The following DYNC1I1 variants were observed in gnomAD, a reference collection of about 807,000 sequenced individuals.
DYNC1I1 encodes cytoplasmic dynein 1 intermediate chain 1.
A neutral mutation model predicts 86.6 loss-of-function variants in DYNC1I1; 43 were observed. The ratio of observed to expected loss-of-function variants is 0.50; its 90% confidence interval spans 0.39 to 0.64. DYNC1I1 has a LOEUF of 0.64. Ranked by LOEUF, DYNC1I1 falls within the 30% of genes least tolerant of loss-of-function variation. The pLI, the probability that DYNC1I1 is intolerant of heterozygous loss-of-function variation, is 0.00. For synonymous variants in DYNC1I1, 262 were observed against 283.7 expected, an observed-to-expected ratio of 0.92 and a Z score of 0.77; for missense variants, 604 against 788.8, an observed-to-expected ratio of 0.77 and a Z score of 2.81.
At chr7:96,022,982 A>G (rs1794590546) in intron 10 of DYNC1I1, among the ~76,000 whole-genome samples, 1 of 152,072 alleles carries the variant, frequency 6.6e-6, no homozygotes, top group Admixed American at 6.6e-5. Flanking sequence ...CACACCTTCC[A>G]TGTTGCCAAA....
chr7:95,951,531 G>C (rs1430961930), intron 6 of DYNC1I1, among the ~76,000 whole-genome samples: 2 of 152,066 alleles, frequency 1.3e-5, no homozygotes, highest in Non-Finnish European at 2.9e-5. Context: ...ATTACCTATA[G>C]TTTTCTGTTA....
chr7:95,996,818 A>G (rs1793878883), intron 10 of DYNC1I1, among the ~76,000 whole-genome samples: 1 of 152,184 alleles, frequency 6.6e-6, no homozygotes, highest in South Asian at 2.1e-4. Flanking sequence ...TGCACAGGCA[A>G]ATAAAAAACA....
At chr7:95,810,577 A>G in intron 3 of DYNC1I1, 71 bp downstream of exon 3, 3 of 1,245,716 alleles carry the variant, frequency 2.4e-6, no homozygotes, top group Non-Finnish European at 3.3e-6. Context: ...TCCAGTGTTT[A>G]CTATTCTTTT....
At chr7:96,032,519 A>G in intron 11 of DYNC1I1, 148 bp from the exon 12 acceptor site, 3 of 610,188 alleles carry the variant, frequency 4.9e-6, no homozygotes, top group Non-Finnish European at 8.4e-6. Context: ...ATCAGGTTCA[A>G]ATCAAAAGCG....
chr7:95,818,495 G>A, intron 4 of DYNC1I1: 8 of 242,326 alleles, frequency 3.3e-5, no homozygotes, highest in South Asian at 1.1e-4. Context: ...TTTTTTTTTT[G>A]TAGAGACGAA....
intron 14 of DYNC1I1, among the ~76,000 whole-genome samples, chr7:96,040,345 T>C (rs1788999785): frequency 6.6e-6 from 1 of 152,042 alleles, no homozygotes; most frequent in Admixed American, 6.6e-5. Flanking sequence ...CACAATAATC[T>C]AGGAAAGAAA....
intron 3 of DYNC1I1, among the ~76,000 whole-genome samples, chr7:95,810,764 A>G (rs1265237718): frequency 6.6e-6 from 1 of 152,140 alleles, no homozygotes; most frequent in Non-Finnish European, 1.5e-5. Flanking sequence ...CCGTGTTACT[A>G]GTAGATTATT....
chr7:96,061,717 C>A (rs1721091919), intron 14 of DYNC1I1, among the ~76,000 whole-genome samples: 1 of 146,572 alleles, frequency 6.8e-6, no homozygotes, highest in East Asian at 2.0e-4. Context: ...CTCTCTCACA[C>A]ACACACACAC....
chr7:96,089,693 CT>C (rs1025347872), intron 16 of DYNC1I1, among the ~76,000 whole-genome samples: 2 of 152,090 alleles, frequency 1.3e-5, no homozygotes, highest in African/African-American at 4.8e-5. Flanking sequence ...TTTCATTGTG[CT>C]TTTTTTGGAC....
intron 9 of DYNC1I1, among the ~76,000 whole-genome samples, chr7:95,993,730 G>A (rs1485008943): frequency 6.6e-6 from 1 of 152,038 alleles, no homozygotes; most frequent in Non-Finnish European, 1.5e-5. Context: ...CTTTAGTTGA[G>A]GCTGCTGGAA....
chr7:96,058,908 T>C (rs1043904432), intron 14 of DYNC1I1, among the ~76,000 whole-genome samples: 3 of 148,780 alleles, frequency 2.0e-5, no homozygotes, highest in Admixed American at 6.9e-5. Flanking sequence ...CCTCTCAAAG[T>C]GCTAGGATTA....
Position 95,977,621 on chromosome 7 carries a change from C to T in DYNC1I1, c.580+20C>T. ...AGGAAGGTATGATATGGAAAATAAA[C>T]TGAGTAATCATTTTATTGTTTTGTT... On this transcript the variant is annotated intron_variant, in intron 7 of 16. Coordinates refer to ENST00000447467, the MANE Select transcript of DYNC1I1 (RefSeq NM_001135556.2). 6.3e-7 allele frequency: 1 copy of T among 1,597,330 alleles called. No individual in the cohort carries two copies. The highest frequency in any genetic ancestry group is 8.6e-7 in the Non-Finnish European group (1 of 1,169,046).
At chr7:96,050,447 A>C (rs1419319089) in intron 14 of DYNC1I1, among the ~76,000 whole-genome samples, 2 of 152,238 alleles carry the variant, frequency 1.3e-5, no homozygotes, top group Admixed American at 6.5e-5. Context: ...AGAAAATGCA[A>C]TCATTGTCAA....
intron 4 of DYNC1I1, among the ~76,000 whole-genome samples, chr7:95,822,341 T>C (rs1795093571): frequency 6.6e-6 from 1 of 152,206 alleles, no homozygotes; most frequent in Non-Finnish European, 1.5e-5. Flanking sequence ...TTGAAGAATT[T>C]TGATGTTTGC....
At chr7:95,878,923 G>A (rs973881138) in intron 6 of DYNC1I1, among the ~76,000 whole-genome samples, 1 of 144,236 alleles carries the variant, frequency 6.9e-6, no homozygotes, top group African/African-American at 2.6e-5. Flanking sequence ...CAGTGGTGTG[G>A]TGTATTCCTA....
chr7:96,080,040 C>A (rs886108469), intron 15 of DYNC1I1, among the ~76,000 whole-genome samples: 1 of 152,106 alleles, frequency 6.6e-6, no homozygotes, highest in African/African-American at 2.4e-5. Flanking sequence ...GGAAGGATCC[C>A]ATTTAGCTCC....
intron 11 of DYNC1I1, among the ~76,000 whole-genome samples, chr7:96,031,879 C>A (rs952537014): frequency 2.0e-5 from 3 of 152,076 alleles, no homozygotes; most frequent in Non-Finnish European, 2.9e-5. Flanking sequence ...TACACAGCTG[C>A]AAATGATTTT....
At chr7:96,037,997 T>C (rs1788914760) in intron 13 of DYNC1I1, among the ~76,000 whole-genome samples, 2 of 152,182 alleles carry the variant, frequency 1.3e-5, no homozygotes, top group South Asian at 4.1e-4. Context: ...TTTTGCACCC[T>C]ATAAATCCTT....
chr7:95,977,398 AGATGTTGCCCTAAAT>A (rs1793332835), intron 6 of DYNC1I1, 99 bp from the exon 7 acceptor site: 1 of 792,200 alleles, frequency 1.3e-6, no homozygotes, highest in African/African-American at 1.8e-5. Flanking sequence ...TGATTTACTT[AGATGTTGCCCTAAAT>A]GATTGGAACT....
Sources: gnomAD v4.1 joint callset for allele counts (sites outside exome capture counted in the v4.1 genomes callset) on GRCh38, gnomAD v4.1.1 for gene constraint, MANE v1.5 for transcripts, NCBI Gene and HGNC (gene_info 2026-07-23, HGNC 2026-07-21) for gene names.